Variants in ATXN1 observed in about 807,000 individuals in gnomAD.
The protein encoded by ATXN1 is ataxin 1, also known as ataxin-1.
A neutral mutation model predicts 56.4 loss-of-function variants in ATXN1; 8 were observed. The observed-to-expected ratio is 0.14, with a 90% CI of 0.08 to 0.26. The LOEUF (loss-of-function observed/expected upper bound fraction) is 0.26, where lower values mean the gene tolerates loss of function less well. Among genes scored for constraint, ATXN1 ranks in the 10% least tolerant of loss-of-function variants. ATXN1 has a pLI of 1.00. For missense variants in ATXN1, 987 were observed against 1,106.5 expected, an observed-to-expected ratio of 0.89 and a Z score of 1.53; for synonymous variants, 514 against 494.6, an observed-to-expected ratio of 1.04 and a Z score of -0.52.
At chr6:16,489,834 C>T (rs148940480) in intron 5 of ATXN1, among the ~76,000 whole-genome samples, 38 of 152,204 alleles carry the variant, frequency 2.5e-4, no homozygotes, top group Non-Finnish European at 3.2e-4. Context: ...AGGAAAGAAA[C>T]GAATAGAAAT....
At chr6:16,378,511 A>C (rs1180735621) in intron 6 of ATXN1, among the ~76,000 whole-genome samples, 1 of 152,022 alleles carries the variant, frequency 6.6e-6, no homozygotes, top group Non-Finnish European at 1.5e-5. Context: ...GTGCTCTTCC[A>C]TTACACCACT....
rs939644317 is a variant in ATXN1 at position 16,306,539 on chromosome 6, A to C, written c.2238T>G (p.Phe746Leu). 4.3e-6 allele frequency: 7 copies of C among 1,614,000 alleles called. No homozygotes were observed. The African/African-American group carries it at 9.3e-5, about 22-fold the overall frequency. The stretch of plus-strand genomic sequence containing the variant: ...CTGCAGGCAATCCCATTTTCTCTGG[A>C]AACTTCAGTTCGCCATTCTCAGAGA... ...QMLSENGELK[F>L]PEKMGLPAAP... Residue 746 changes from phenylalanine to leucine, a missense_variant, in exon 8 of 8, where the codon TTT (phenylalanine) becomes TTG (leucine). This residue lies in a region of ATXN1 where 196 missense variants were observed against 196.7 expected (regional missense o/e 1.00). Transcript: ENST00000436367. The surrounding 1 kb of genome is among the most constrained non-coding windows in gnomAD (Gnocchi z 5.2).
chr6:16,600,656 C>T (rs1159217399), intron 3 of ATXN1, among the ~76,000 whole-genome samples: 1 of 152,200 alleles, frequency 6.6e-6, no homozygotes, highest in East Asian at 1.9e-4. Context: ...TTGCTATCTA[C>T]AAGCTGCCAC....
At chr6:16,461,413 T>TCTC (rs1759993028) in intron 6 of ATXN1, among the ~76,000 whole-genome samples, 1 of 152,166 alleles carries the variant, frequency 6.6e-6, no homozygotes, top group Non-Finnish European at 1.5e-5. Context: ...TGGGGCCATA[T>TCTC]CTCCTCCAGA....
intron 6 of ATXN1, among the ~76,000 whole-genome samples, chr6:16,455,294 T>C (rs1439296595): frequency 6.6e-6 from 1 of 152,224 alleles, no homozygotes; most frequent in South Asian, 2.1e-4. Context: ...AAATTAGACA[T>C]AGAGATGGCA....
intron 2 of ATXN1, among the ~76,000 whole-genome samples, chr6:16,744,512 G>A (rs944433322): frequency 4.6e-5 from 7 of 152,116 alleles, no homozygotes; most frequent in Non-Finnish European, 8.8e-5. Context: ...TCCCAGGACA[G>A]GGCTCCCTGA....
At chr6:16,563,371 A>G (rs952891403) in intron 4 of ATXN1, among the ~76,000 whole-genome samples, 1 of 152,190 alleles carries the variant, frequency 6.6e-6, no homozygotes, top group Non-Finnish European at 1.5e-5. Context: ...GATGGGGATC[A>G]TGCAGGATTG....
chr6:16,726,183 C>T (rs1759844882), intron 2 of ATXN1, among the ~76,000 whole-genome samples: 1 of 152,050 alleles, frequency 6.6e-6, no homozygotes, highest in Non-Finnish European at 1.5e-5. Context: ...GAGTTCAAGA[C>T]CAGCCTGGCC....
At chr6:16,589,514 C>G (rs1762686195) in intron 3 of ATXN1, among the ~76,000 whole-genome samples, 1 of 151,848 alleles carries the variant, frequency 6.6e-6, no homozygotes, top group Non-Finnish European at 1.5e-5. Context: ...AGCTGGGCAT[C>G]TGAAATATAC....
chr6:16,555,051 G>A (rs796134080), intron 4 of ATXN1, among the ~76,000 whole-genome samples: 30 of 152,274 alleles, frequency 2.0e-4, no homozygotes, highest in African/African-American at 7.2e-4. Flanking sequence ...ACAGTTCCCT[G>A]GGTTTCAAAG....
At chr6:16,391,421 G>T (rs1029372569) in intron 6 of ATXN1, among the ~76,000 whole-genome samples, 1 of 152,030 alleles carries the variant, frequency 6.6e-6, no homozygotes, top group African/African-American at 2.4e-5. Flanking sequence ...GTCTCTAATG[G>T]CCCTGGATTT....
intron 3 of ATXN1, among the ~76,000 whole-genome samples, chr6:16,641,276 C>T (rs76367447): frequency 0.07 from 10,612 of 152,276 alleles, 1,236 homozygotes; most frequent in African/African-American, 0.24. Flanking sequence ...AAGCAGCCTT[C>T]TATTGGAAGA....
rs968875774 is a variant in ATXN1 at position 16,506,909 on chromosome 6, T to C, written c.-299+15718A>G. Among the ~76,000 whole-genome samples the C allele has an allele frequency of 6.6e-6, 1 of 152,138 alleles. No homozygotes were observed. The highest frequency in any genetic ancestry group is 2.4e-5 in the African/African-American group (1 of 41,424). On this transcript the variant is annotated intron_variant, in intron 5 of 7. Coordinates refer to ENST00000436367, the MANE Select transcript of ATXN1 (RefSeq NM_001128164.2). This position sits in a 1 kb window ranked among gnomAD's most constrained non-coding sequence, Gnocchi z 4.1. The stretch of plus-strand genomic sequence containing the variant: ...GACACCACTGAAATAAACCAAAGGA[T>C]GTAGGGATGTATGTACAGCTGGATG...
rs537874297 is a variant in ATXN1 at position 16,727,704 on chromosome 6, A to C, written c.-615+25529T>G. On this transcript the variant is annotated intron_variant, in intron 2 of 7. Transcript: ENST00000436367. ...GTTATTAGTCTGTGACATTATTTATATTATTTGTTAGCATAAAAAATCTTT... is the reference window on the plus strand; with the variant it reads ...GTTATTAGTCTGTGACATTATTTATCTTATTTGTTAGCATAAAAAATCTTT... Among the ~76,000 whole-genome samples, 8 of 152,318 alleles carry C rather than the reference A, an allele frequency of 5.3e-5. No individual in the cohort carries two copies. In the South Asian group the frequency reaches 1.7e-3, roughly 32 times the overall value.
At chr6:16,697,692 C>T (rs751225779) in intron 2 of ATXN1, among the ~76,000 whole-genome samples, 1 of 151,910 alleles carries the variant, frequency 6.6e-6, no homozygotes, top group Non-Finnish European at 1.5e-5. Context: ...GAGGCTCTCC[C>T]TAGCTAAATG....
chr6:16,565,959 G>A (rs1252118660), intron 4 of ATXN1, among the ~76,000 whole-genome samples: 1 of 152,174 alleles, frequency 6.6e-6, no homozygotes, highest in African/African-American at 2.4e-5. Flanking sequence ...AGCTCCATTT[G>A]GTATGTACAA....
intron 7 of ATXN1, among the ~76,000 whole-genome samples, chr6:16,324,860 G>T (rs1340935786): frequency 6.6e-6 from 1 of 152,196 alleles, no homozygotes; most frequent in African/African-American, 2.4e-5. Context: ...GGTCACCTGG[G>T]ACAGCCCTGA....
At chr6:16,352,101 C>T (rs1303107050) in intron 6 of ATXN1, among the ~76,000 whole-genome samples, 1 of 152,164 alleles carries the variant, frequency 6.6e-6, no homozygotes. Context: ...GTTCCAGAAA[C>T]TTGGATCTTT....
At chr6:16,450,480 G>A (rs995216115) in intron 6 of ATXN1, among the ~76,000 whole-genome samples, 2 of 152,156 alleles carry the variant, frequency 1.3e-5, no homozygotes, top group Non-Finnish European at 1.5e-5. Context: ...TCTGATTCAA[G>A]GGAAGGAATG....
Sources: gnomAD v4.1 joint callset for allele counts (sites outside exome capture counted in the v4.1 genomes callset) on GRCh38, gnomAD v4.1.1 for gene constraint, gnomAD v4.1.1 regional missense constraint, Gnocchi (gnomAD v3.1) non-coding constraint, MANE v1.5 for transcripts, NCBI Gene and HGNC (gene_info 2026-07-23, HGNC 2026-07-21) for gene names.